Variants in PTN observed in about 807,000 individuals in gnomAD.
PTN encodes pleiotrophin.
In PTN, 18 loss-of-function variants were observed where a neutral mutation model predicts 24.1. That is an observed-to-expected ratio of 0.75 (90% confidence interval 0.52 to 1.11). The LOEUF (loss-of-function observed/expected upper bound fraction) is 1.11, where lower values mean the gene tolerates loss of function less well. PTN is among the 50% of genes least tolerant of loss of function. The pLI, the probability that PTN is intolerant of heterozygous loss-of-function variation, is 0.00. For synonymous variants in PTN, 78 were observed against 68.6 expected (o/e 1.14, Z -0.67); for missense variants, 163 against 198.8 (o/e 0.82, Z 1.08).
At chr7:137,267,071 T>C (rs1203621216) in intron 1 of PTN, among the ~76,000 whole-genome samples, 1 of 152,172 alleles carries the variant, frequency 6.6e-6, no homozygotes, top group Non-Finnish European at 1.5e-5. Context: ...TTATCAATTA[T>C]AGGTTTTAAA....
At chr7:137,228,679 T>A (rs1273426257) in intron 4 of PTN, among the ~76,000 whole-genome samples, 3 of 151,820 alleles carry the variant, frequency 2.0e-5, no homozygotes, top group Admixed American at 6.6e-5. Flanking sequence ...ACTCCTAGTT[T>A]GGGGTAAAAC....
At chr7:137,328,754 T>C (rs1017875714) in intron 1 of PTN, among the ~76,000 whole-genome samples, 2 of 152,186 alleles carry the variant, frequency 1.3e-5, no homozygotes, top group African/African-American at 4.8e-5. Flanking sequence ...GGCCAACTGG[T>C]GTTTGAGAAA....
At chr7:137,243,318 C>T (rs111909570) in intron 4 of PTN, among the ~76,000 whole-genome samples, 113 of 152,204 alleles carry the variant, frequency 7.4e-4, no homozygotes, top group Non-Finnish European at 1.4e-3. Flanking sequence ...CAATTATTCC[C>T]GCAGAAAATA....
intron 1 of PTN, among the ~76,000 whole-genome samples, chr7:137,312,666 G>C (rs1418692746): frequency 6.6e-6 from 1 of 151,580 alleles, no homozygotes; most frequent in Non-Finnish European, 1.5e-5. Context: ...TTCAACACCT[G>C]GTCCAAAAAT....
intron 4 of PTN, among the ~76,000 whole-genome samples, chr7:137,230,362 T>C (rs996579567): frequency 7.9e-5 from 12 of 151,818 alleles, no homozygotes; most frequent in African/African-American, 9.7e-5. Flanking sequence ...AAATCAACAA[T>C]TTGCTTATTA....
rs1809409858 is a variant in PTN at position 137,278,548 on chromosome 7, C to A, written c.-1-23574G>T. Among the ~76,000 whole-genome samples the A allele has an allele frequency of 3.3e-5, 5 of 152,056 alleles. No individual in the cohort carries two copies. In the South Asian group the frequency reaches 1.0e-3, roughly 32 times the overall value. On this transcript the variant is annotated intron_variant, in intron 1 of 4. Coordinates refer to ENST00000348225, the MANE Select transcript of PTN (RefSeq NM_002825.7). ...AATTTAGACTTCAAAATAGAATTTA[C>A]AAAATAAAGAGGGTTATTTTATAAT...
chr7:137,241,816 A>G (rs1808633377), intron 4 of PTN, among the ~76,000 whole-genome samples: 1 of 152,172 alleles, frequency 6.6e-6, no homozygotes, highest in African/African-American at 2.4e-5. Flanking sequence ...GAGGAACAGA[A>G]TTCCCACAGG....
intron 1 of PTN, among the ~76,000 whole-genome samples, chr7:137,339,050 A>G (rs1007315218): frequency 2.0e-5 from 3 of 152,144 alleles, no homozygotes; most frequent in Admixed American, 1.3e-4. Flanking sequence ...AAAACAAAAC[A>G]TGAAAAAAGG....
intron 1 of PTN, among the ~76,000 whole-genome samples, chr7:137,317,932 A>C (rs2128880740): frequency 6.6e-6 from 1 of 152,276 alleles, no homozygotes; most frequent in Middle Eastern, 3.4e-3. Context: ...CAGGGCTGAA[A>C]GAAAATTTTC....
At chr7:137,323,436 G>A (rs1810198827) in intron 1 of PTN, among the ~76,000 whole-genome samples, 1 of 152,182 alleles carries the variant, frequency 6.6e-6, no homozygotes, top group Admixed American at 6.5e-5. Flanking sequence ...CTATGGTAAA[G>A]TGAAGACTGT....
intron 1 of PTN, among the ~76,000 whole-genome samples, chr7:137,324,273 T>C (rs1323434896): frequency 1.3e-5 from 2 of 151,496 alleles, no homozygotes; most frequent in East Asian, 3.9e-4. Flanking sequence ...TGTATGCCTA[T>C]AGTCTCAGCT....
intron 1 of PTN, among the ~76,000 whole-genome samples, chr7:137,287,496 G>A (rs955893635): frequency 6.6e-6 from 1 of 151,528 alleles, no homozygotes; most frequent in African/African-American, 2.4e-5. Context: ...ACCTTAAATT[G>A]GTCCTTAAAC....
chr7:137,325,955 A>G (rs1187216315), intron 1 of PTN: 1 of 152,238 alleles, frequency 6.6e-6, no homozygotes, highest in Non-Finnish European at 1.5e-5. Flanking sequence ...GATGCATCCA[A>G]GGAACATTTA....
At chr7:137,250,538 A>G (rs943810418) in intron 4 of PTN, among the ~76,000 whole-genome samples, 2 of 152,218 alleles carry the variant, frequency 1.3e-5, no homozygotes, top group African/African-American at 2.4e-5. Context: ...TGAATTTGGG[A>G]AAACACAATT....
At chr7:137,320,759 G>T (rs200692385) in intron 1 of PTN, among the ~76,000 whole-genome samples, 3 of 152,072 alleles carry the variant, frequency 2.0e-5, no homozygotes, top group Non-Finnish European at 4.4e-5. Flanking sequence ...ACACTGGCTT[G>T]TCAATTGAAT....
chr7:137,268,828 G>A (rs1385959098), intron 1 of PTN, among the ~76,000 whole-genome samples: 2 of 152,094 alleles, frequency 1.3e-5, no homozygotes, highest in African/African-American at 4.8e-5. Context: ...CAATATGAGA[G>A]GGTCTCTCTT....
intron 4 of PTN, among the ~76,000 whole-genome samples, chr7:137,238,569 T>C (rs1223644122): frequency 6.6e-6 from 1 of 152,178 alleles, no homozygotes; most frequent in Non-Finnish European, 1.5e-5. Flanking sequence ...TTAATTTCTT[T>C]TAGAATACCT....
intron 1 of PTN, among the ~76,000 whole-genome samples, chr7:137,336,955 G>A (rs996224893): frequency 9.2e-5 from 14 of 152,140 alleles, no homozygotes; most frequent in East Asian, 1.9e-4. Flanking sequence ...ATTTGCTCAC[G>A]GTCACAGAGC....
intron 1 of PTN, among the ~76,000 whole-genome samples, chr7:137,309,253 T>G (rs1168298793): frequency 6.6e-6 from 1 of 152,226 alleles, no homozygotes; most frequent in Non-Finnish European, 1.5e-5. Flanking sequence ...GCAATAGCAG[T>G]ATGTCTTAAA....
Sources: gnomAD v4.1 joint callset for allele counts (sites outside exome capture counted in the v4.1 genomes callset) on GRCh38, gnomAD v4.1.1 for gene constraint, MANE v1.5 for transcripts, NCBI Gene and HGNC (gene_info 2026-07-23, HGNC 2026-07-21) for gene names.